TPST1: variants seen among roughly 807,000 people sequenced by gnomAD.
TPST1 encodes the protein tyrosylprotein sulfotransferase 1.
TPST1 carries 20 observed loss-of-function variants against 34.8 expected under a neutral mutation model. The observed-to-expected ratio is 0.57, with a 90% CI of 0.40 to 0.84. The LOEUF (loss-of-function observed/expected upper bound fraction) is 0.84, where lower values mean the gene tolerates loss of function less well. TPST1 is among the 40% of genes least tolerant of loss of function. The pLI, the probability that TPST1 is intolerant of heterozygous loss-of-function variation, is 0.00. For missense variants in TPST1, 353 were observed against 455.5 expected (o/e 0.78, Z 2.05); for synonymous variants, 152 against 159.4 (o/e 0.95, Z 0.35).
At chr7:66,201,160 G>C (rs546615948), upstream of TPST1, among the ~76,000 whole-genome samples, 6 of 152,264 alleles carry the variant, frequency 3.9e-5, no homozygotes, top group South Asian at 1.2e-3. Flanking sequence ...GAATAGAAAT[G>C]TGGTGTGAAT....
chr7:66,306,678 A>G (rs898082594), intron 3 of TPST1, among the ~76,000 whole-genome samples: 3 of 152,040 alleles, frequency 2.0e-5, no homozygotes, highest in African/African-American at 7.2e-5. Context: ...GCTTTTATTT[A>G]CTTTCCAGAT....
intron 3 of TPST1, among the ~76,000 whole-genome samples, chr7:66,329,094 GTAGAGACGAGGC>G (rs1201344232): frequency 1.3e-5 from 2 of 150,114 alleles, no homozygotes; most frequent in Non-Finnish European, 3.0e-5. Flanking sequence ...GTATTTTTTT[GTAGAGACGAGGC>G]TTCTCCATGT....
Position 66,241,172 on chromosome 7 carries a change from G to C in TPST1, c.747G>C (p.Trp249Cys). ...AACTTGTCTTACATCCTGAACGGTGGATGAGAACACTCTTAAAGTTCCTCC... is the reference window on the plus strand; with the variant it reads ...AACTTGTCTTACATCCTGAACGGTGCATGAGAACACTCTTAAAGTTCCTCC... ...YEQLVLHPER[W>C]MRTLLKFLQI... The change falls in exon 2 of 6, where the codon TGG becomes TGC. Residue 249 changes from tryptophan to cysteine, a missense_variant. By Grantham distance (215) the Trp-to-Cys change is radical. Coordinates refer to ENST00000304842, the MANE Select transcript of TPST1 (RefSeq NM_003596.4). The C allele has an allele frequency of 6.2e-7, 1 of 1,614,174 alleles. No homozygotes were observed. Among genetic ancestry groups the C allele is most frequent in the Non-Finnish European group, 8.5e-7 (1 of 1,180,034 alleles).
intron 2 of TPST1, among the ~76,000 whole-genome samples, chr7:66,241,764 G>A (rs1368855706): frequency 6.6e-6 from 1 of 152,184 alleles, no homozygotes; most frequent in Middle Eastern, 3.2e-3. Context: ...AAAAATAAAA[G>A]CTTCGTCTAA....
chr7:66,254,339 T>C (rs1313724425), intron 2 of TPST1, among the ~76,000 whole-genome samples: 1 of 152,324 alleles, frequency 6.6e-6, no homozygotes, highest in Admixed American at 6.5e-5. Context: ...ATTTGATAAG[T>C]TTATTATTCA....
At chr7:66,294,562 T>G (rs2115982665) in intron 3 of TPST1, among the ~76,000 whole-genome samples, 1 of 151,886 alleles carries the variant, frequency 6.6e-6, no homozygotes, top group Admixed American at 6.6e-5. Context: ...TGAGGGCAAA[T>G]TAAAAAAAAC....
intron 3 of TPST1, among the ~76,000 whole-genome samples, chr7:66,314,583 A>G (rs1271438245): frequency 1.3e-5 from 2 of 152,256 alleles, no homozygotes; most frequent in Non-Finnish European, 2.9e-5. Context: ...GCAAATAGCC[A>G]TATGTTGCTT....
At chr7:66,225,938 G>T (rs923262227) in intron 1 of TPST1, among the ~76,000 whole-genome samples, 1 of 152,148 alleles carries the variant, frequency 6.6e-6, no homozygotes. Context: ...CCAGGTTGGA[G>T]TGCAGTGGTG....
At chr7:66,285,458 T>G (rs1308290806) in intron 2 of TPST1, among the ~76,000 whole-genome samples, 1 of 152,014 alleles carries the variant, frequency 6.6e-6, no homozygotes, top group Non-Finnish European at 1.5e-5. Flanking sequence ...GCTCCTGAGG[T>G]AGGAGGGAAA....
At chr7:66,353,273 C>T (rs1289562646) in intron 4 of TPST1, among the ~76,000 whole-genome samples, 1 of 152,006 alleles carries the variant, frequency 6.6e-6, no homozygotes, top group African/African-American at 2.4e-5. Flanking sequence ...TACACCACTG[C>T]ACTACAGCCT....
chr7:66,272,744 G>A (rs1790730507), intron 2 of TPST1, among the ~76,000 whole-genome samples: 1 of 151,952 alleles, frequency 6.6e-6, no homozygotes, highest in Non-Finnish European at 1.5e-5. Flanking sequence ...ATACCCTCAT[G>A]CCTGGCTAAT....
At chr7:66,292,717 C>T (rs1270729216) in intron 3 of TPST1, among the ~76,000 whole-genome samples, 3 of 140,160 alleles carry the variant, frequency 2.1e-5, no homozygotes, top group African/African-American at 8.1e-5. Context: ...TGCTTCGGCT[C>T]GCGCACGGTG....
At chr7:66,227,445 TG>T (rs1049842749) in intron 1 of TPST1, among the ~76,000 whole-genome samples, 5 of 152,070 alleles carry the variant, frequency 3.3e-5, no homozygotes, top group African/African-American at 4.8e-5. Flanking sequence ...TTTTTAGAGC[TG>T]GGGTGTGGCT....
At chr7:66,231,514 C>T (rs1018813429) in intron 1 of TPST1, among the ~76,000 whole-genome samples, 2 of 152,254 alleles carry the variant, frequency 1.3e-5, no homozygotes, top group Non-Finnish European at 2.9e-5. Context: ...CGTGGGAAGG[C>T]AGCTAAGTCC....
At chr7:66,258,371 C>T (rs548951641) in intron 2 of TPST1, among the ~76,000 whole-genome samples, 1 of 152,170 alleles carries the variant, frequency 6.6e-6, no homozygotes, top group East Asian at 1.9e-4. Flanking sequence ...AATAGTATTT[C>T]CAGTATCAGT....
chr7:66,228,282 T>C (rs946569852), intron 1 of TPST1, among the ~76,000 whole-genome samples: 1 of 152,228 alleles, frequency 6.6e-6, no homozygotes, highest in African/African-American at 2.4e-5. Context: ...TTACCTTGTT[T>C]TCCTACAATC....
chr7:66,339,105 T>TG (rs1486337210), intron 3 of TPST1, among the ~76,000 whole-genome samples: 1 of 45,082 alleles, frequency 2.2e-5, no homozygotes, highest in African/African-American at 8.8e-5. Flanking sequence ...GACTAAGTGT[T>TG]GGGGGGTGGT....
intron 2 of TPST1, among the ~76,000 whole-genome samples, chr7:66,268,874 A>T (rs999983200): frequency 6.6e-6 from 1 of 152,162 alleles, no homozygotes; most frequent in Non-Finnish European, 1.5e-5. Context: ...TTTTTAGTAG[A>T]GACAGGATTT....
chr7:66,231,011 G>A (rs1789775456), intron 1 of TPST1, among the ~76,000 whole-genome samples: 2 of 152,142 alleles, frequency 1.3e-5, no homozygotes, highest in Admixed American at 6.5e-5. Flanking sequence ...TAGACACAGG[G>A]TGCTGATTGG....
Sources: gnomAD v4.1 joint callset for allele counts (sites outside exome capture counted in the v4.1 genomes callset) on GRCh38, gnomAD v4.1.1 for gene constraint, MANE v1.5 for transcripts, NCBI Gene and HGNC (gene_info 2026-07-23, HGNC 2026-07-21) for gene names.